Variants in ARK2N observed in about 807,000 individuals in gnomAD.
The protein encoded by ARK2N is protein ARK2N.
the ARK2N span, among the ~76,000 whole-genome samples, chr18:46,193,591 G>GTT: frequency 7.9e-3 from 726 of 92,360 alleles, 12 homozygotes; most frequent in Non-Finnish European, 0.011. Flanking sequence ...GCCCAGCCGG[G>GTT]TTTTTTTTTT....
the ARK2N span, among the ~76,000 whole-genome samples, chr18:46,239,483 G>T: frequency 6.6e-6 from 1 of 152,202 alleles, no homozygotes; most frequent in Admixed American, 6.5e-5. Context: ...AAATAGATAT[G>T]TTAGTCAAAC....
At chr18:46,252,793 G>A in the ARK2N span, among the ~76,000 whole-genome samples, 2 of 152,136 alleles carry the variant, frequency 1.3e-5, no homozygotes, top group African/African-American at 2.4e-5. Flanking sequence ...TACATAGGCC[G>A]AATTATTTTA....
chr18:46,185,507 C>A, the ARK2N span, among the ~76,000 whole-genome samples: 1 of 152,198 alleles, frequency 6.6e-6, no homozygotes, highest in Admixed American at 6.5e-5. Flanking sequence ...TAGCTCTCTA[C>A]TGTGCTAGCC....
the ARK2N span, among the ~76,000 whole-genome samples, chr18:46,226,094 C>T: frequency 6.6e-6 from 1 of 152,182 alleles, no homozygotes; most frequent in Non-Finnish European, 1.5e-5. Context: ...ATAGTTACTC[C>T]ATGAACATTT....
chr18:46,253,729 AAAAC>A, the ARK2N span: 9 of 1,602,026 alleles, frequency 5.6e-6, no homozygotes, highest in Non-Finnish European at 7.7e-6. Context: ...AGCAAGTGAC[AAAAC>A]ATCTGCTGGC....
chr18:46,258,664 C>G, the ARK2N span, among the ~76,000 whole-genome samples: 2 of 152,170 alleles, frequency 1.3e-5, no homozygotes. Flanking sequence ...AGGTTAAACA[C>G]TTTGTGAGAA....
the ARK2N span, among the ~76,000 whole-genome samples, chr18:46,198,660 T>A: frequency 6.6e-6 from 1 of 151,902 alleles, no homozygotes; most frequent in Non-Finnish European, 1.5e-5. Context: ...AGTGCAGTGG[T>A]GCATCTCGGC....
chr18:46,213,452 G>A, the ARK2N span, among the ~76,000 whole-genome samples: 2 of 152,120 alleles, frequency 1.3e-5, no homozygotes, highest in South Asian at 2.1e-4. Context: ...ATACCTGGGG[G>A]TATTTTGTAT....
chr18:46,190,919 G>A, the ARK2N span, among the ~76,000 whole-genome samples: 1 of 152,168 alleles, frequency 6.6e-6, no homozygotes, highest in African/African-American at 2.4e-5. Context: ...GTGTGTGTAT[G>A]CATCATCTGT....
the ARK2N span, among the ~76,000 whole-genome samples, chr18:46,219,494 C>T: frequency 2.7e-5 from 4 of 148,634 alleles, no homozygotes; most frequent in African/African-American, 1.0e-4. Context: ...TTTTTGAGAC[C>T]GAGTCTTGCT....
At chr18:46,207,950 C>A in the ARK2N span, among the ~76,000 whole-genome samples, 2 of 152,166 alleles carry the variant, frequency 1.3e-5, no homozygotes, top group Non-Finnish European at 2.9e-5. Flanking sequence ...AGAATGATTT[C>A]CTTGCATACA....
chr18:46,216,076 T>G, the ARK2N span: 1 of 1,614,172 alleles, frequency 6.2e-7, no homozygotes. This position sits in a 1 kb window ranked among gnomAD's most constrained non-coding sequence, Gnocchi z 4.3. Flanking sequence ...GAGAAGGGAC[T>G]CTTCTGAGTC....
At chr18:46,227,308 C>A in the ARK2N span, among the ~76,000 whole-genome samples, 1 of 152,040 alleles carries the variant, frequency 6.6e-6, no homozygotes, top group Non-Finnish European at 1.5e-5. Flanking sequence ...TTCTTAGGAA[C>A]GTTACTCAGA....
the ARK2N span, among the ~76,000 whole-genome samples, chr18:46,251,962 G>A: frequency 6.6e-6 from 1 of 152,080 alleles, no homozygotes; most frequent in African/African-American, 2.4e-5. Flanking sequence ...GGAGGCCAAG[G>A]TGGGCTGATC....
the ARK2N span, chr18:46,239,963 C>T: frequency 6.3e-7 from 1 of 1,577,060 alleles, no homozygotes; most frequent in Non-Finnish European, 8.7e-7. Flanking sequence ...TATTTTTCAC[C>T]CCACACGTTA....
At chr18:46,207,001 C>G in the ARK2N span, among the ~76,000 whole-genome samples, 1 of 152,104 alleles carries the variant, frequency 6.6e-6, no homozygotes, top group African/African-American at 2.4e-5. Flanking sequence ...GTCTTGAACT[C>G]TTGGATTCAA....
At chr18:46,202,392 AT>A in the ARK2N span, among the ~76,000 whole-genome samples, 1 of 152,248 alleles carries the variant, frequency 6.6e-6, no homozygotes, top group African/African-American at 2.4e-5. Context: ...TAGGAAAGGC[AT>A]TTATTTGTGT....
At chr18:46,245,953 A>C in the ARK2N span, among the ~76,000 whole-genome samples, 5 of 152,118 alleles carry the variant, frequency 3.3e-5, no homozygotes, top group Non-Finnish European at 7.4e-5. Flanking sequence ...ATTTTCTCAT[A>C]TAGTGAAAGA....
At chr18:46,255,996 G>T in the ARK2N span, among the ~76,000 whole-genome samples, 1 of 152,132 alleles carries the variant, frequency 6.6e-6, no homozygotes, top group East Asian at 1.9e-4. Flanking sequence ...TGTTGCTTAT[G>T]ATATAAATTA....
Sources: allele counts gnomAD v4.1 joint callset (sites outside exome capture counted in the v4.1 genomes callset), GRCh38; gene constraint gnomAD v4.1.1; non-coding constraint Gnocchi (gnomAD v3.1); transcripts MANE v1.5; gene names NCBI Gene and HGNC (gene_info 2026-07-23, HGNC 2026-07-21).